Variants in L3MBTL4 observed in about 807,000 individuals in gnomAD.
L3MBTL4 encodes the protein lethal(3)malignant brain tumor-like protein 4.
In L3MBTL4, 70 loss-of-function variants were observed where a neutral mutation model predicts 84.5. The observed-to-expected ratio is 0.83, with a 90% CI of 0.68 to 1.01. L3MBTL4 has a LOEUF of 1.01. Among genes scored for constraint, L3MBTL4 ranks in the 50% least tolerant of loss-of-function variants. L3MBTL4 has a pLI of 0.00. For synonymous variants in L3MBTL4, 274 were observed against 259.8 expected, an observed-to-expected ratio of 1.05 and a Z score of -0.52; for missense variants, 715 against 754.8, an observed-to-expected ratio of 0.95 and a Z score of 0.62.
At position 6,076,952 on chromosome 18, in the gene L3MBTL4, G is replaced by A. The variant is rs58524638; in HGVS notation, c.1444+3929C>T. ...GACCAAGGAGCGTCTAACGGCGACAGGACAGAGCACCTGGATGAGCAGATC... is the reference window on the plus strand; with the variant it reads ...GACCAAGGAGCGTCTAACGGCGACAAGACAGAGCACCTGGATGAGCAGATC... On this transcript the variant is annotated intron_variant, in intron 16 of 18. Transcript: ENST00000317931. Among the ~76,000 whole-genome samples the A allele has an allele frequency of 3.8e-3, 586 of 152,298 alleles. 3 individuals are homozygous for A. Among genetic ancestry groups the A allele is most frequent in the African/African-American group, 0.014 (563 of 41,562 alleles).
chr18:6,210,201 G>A (rs1379640546), intron 12 of L3MBTL4, among the ~76,000 whole-genome samples: 1 of 152,220 alleles, frequency 6.6e-6, no homozygotes, highest in African/African-American at 2.4e-5. Context: ...TATTTGGGGA[G>A]TGGCAGAAGG....
At chr18:6,310,810 A>G (rs1356818824) in intron 3 of L3MBTL4, among the ~76,000 whole-genome samples, 1 of 152,236 alleles carries the variant, frequency 6.6e-6, no homozygotes, top group Non-Finnish European at 1.5e-5. Flanking sequence ...CATAGTGAAC[A>G]TTATACCTTC....
At chr18:5,971,761 C>T (rs2052653688) in intron 16 of L3MBTL4, among the ~76,000 whole-genome samples, 1 of 152,176 alleles carries the variant, frequency 6.6e-6, no homozygotes, top group African/African-American at 2.4e-5. Flanking sequence ...TAATGTGTGG[C>T]TGAACAGTCC....
intron 16 of L3MBTL4, among the ~76,000 whole-genome samples, chr18:6,067,326 G>A (rs930948184): frequency 5.3e-5 from 8 of 152,132 alleles, no homozygotes; most frequent in Non-Finnish European, 1.2e-4. Flanking sequence ...TGAGTTTTCT[G>A]TATTTGGATA....
intron 15 of L3MBTL4, among the ~76,000 whole-genome samples, chr18:6,083,759 G>A (rs139565494): frequency 1.2e-4 from 18 of 152,062 alleles, no homozygotes; most frequent in African/African-American, 3.4e-4. Flanking sequence ...TGTTGCTGTC[G>A]CAAGTGTCAA....
At chr18:6,211,507 T>C (rs565825079) in intron 12 of L3MBTL4, among the ~76,000 whole-genome samples, 1 of 152,318 alleles carries the variant, frequency 6.6e-6, no homozygotes, top group African/African-American at 2.4e-5. Flanking sequence ...AAAACTTCAA[T>C]TGCTTGCTCA....
intron 15 of L3MBTL4, among the ~76,000 whole-genome samples, chr18:6,083,009 T>A (rs2058130867): frequency 6.6e-6 from 1 of 152,196 alleles, no homozygotes; most frequent in Non-Finnish European, 1.5e-5. Context: ...ATTGAGAGAC[T>A]GGGCTCAGAG....
intron 16 of L3MBTL4, among the ~76,000 whole-genome samples, chr18:6,040,743 G>A (rs4798433): frequency 0.17 from 25,668 of 151,992 alleles, 2,405 homozygotes; most frequent in East Asian, 0.31. Context: ...CCTAGTCTGA[G>A]AAAGAGAGAC....
intron 3 of L3MBTL4, among the ~76,000 whole-genome samples, chr18:6,302,792 G>C (rs1191522380): frequency 6.6e-6 from 1 of 152,088 alleles, no homozygotes; most frequent in Non-Finnish European, 1.5e-5. Context: ...AAATCAACCT[G>C]GCCAACATGG....
At chr18:6,280,836 G>A (rs1282815470) in intron 4 of L3MBTL4, among the ~76,000 whole-genome samples, 2 of 152,100 alleles carry the variant, frequency 1.3e-5, no homozygotes, top group Non-Finnish European at 2.9e-5. Flanking sequence ...GAAGATGGAG[G>A]AAGGGGCCAT....
intron 16 of L3MBTL4, among the ~76,000 whole-genome samples, chr18:6,026,099 CAT>C (rs1188178465): frequency 3.9e-5 from 6 of 152,210 alleles, no homozygotes; most frequent in African/African-American, 9.6e-5. Context: ...TGACTTCTCT[CAT>C]GTGTCTTTTC....
At chr18:6,011,017 A>G (rs2054710592) in intron 16 of L3MBTL4, among the ~76,000 whole-genome samples, 1 of 152,212 alleles carries the variant, frequency 6.6e-6, no homozygotes, top group Admixed American at 6.5e-5. Context: ...TCCTTATTCC[A>G]AAGTGGGGAA....
intron 14 of L3MBTL4, among the ~76,000 whole-genome samples, chr18:6,102,004 T>A (rs552844809): frequency 2.4e-4 from 37 of 152,324 alleles, no homozygotes; most frequent in African/African-American, 8.7e-4. Context: ...TCTGGTCACA[T>A]CAAAATAATC....
intron 12 of L3MBTL4, among the ~76,000 whole-genome samples, chr18:6,172,252 G>C (rs2044008854): frequency 1.3e-5 from 2 of 152,098 alleles, no homozygotes; most frequent in Non-Finnish European, 2.9e-5. Flanking sequence ...GCTGTTGAGG[G>C]GATACTCTTT....
At chr18:5,981,655 GAA>G (rs57409444) in intron 16 of L3MBTL4, among the ~76,000 whole-genome samples, 121 of 142,044 alleles carry the variant, frequency 8.5e-4, no homozygotes, top group African/African-American at 2.8e-3. Context: ...TTTCTTTGAG[GAA>G]AAAAAAAAAA....
chr18:6,173,080 C>G (rs553922372), intron 12 of L3MBTL4, among the ~76,000 whole-genome samples: 6 of 152,180 alleles, frequency 3.9e-5, no homozygotes, highest in Admixed American at 6.5e-5. Flanking sequence ...AAAGGTAGAG[C>G]CTAACACTGT....
At chr18:6,166,688 G>A (rs560758276) in intron 13 of L3MBTL4, among the ~76,000 whole-genome samples, 13 of 152,148 alleles carry the variant, frequency 8.5e-5, no homozygotes, top group Non-Finnish European at 1.9e-4. Context: ...AGTGTGTAGA[G>A]GGAAACTTAT....
intron 1 of L3MBTL4, among the ~76,000 whole-genome samples, chr18:6,353,898 C>T (rs2053316274): frequency 2.6e-5 from 4 of 151,964 alleles, no homozygotes; most frequent in Non-Finnish European, 1.5e-5. Context: ...TTCAAAAATA[C>T]CACTGACATT....
chr18:6,215,159 G>A (rs2145820477), intron 11 of L3MBTL4, among the ~76,000 whole-genome samples: 2 of 152,222 alleles, frequency 1.3e-5, no homozygotes, highest in Admixed American at 6.5e-5. Context: ...AACTGAAAGG[G>A]AATAGAGTTT....
Sources: gnomAD v4.1 joint callset for allele counts (sites outside exome capture counted in the v4.1 genomes callset) on GRCh38, gnomAD v4.1.1 for gene constraint, MANE v1.5 for transcripts, NCBI Gene and HGNC (gene_info 2026-07-23, HGNC 2026-07-21) for gene names.